The following NKIRAS1 variants were observed in gnomAD, a reference collection of about 807,000 sequenced individuals.
NKIRAS1 encodes NFKB inhibitor interacting Ras like 1.
Under a neutral mutation model 19.8 loss-of-function variants are expected in NKIRAS1, and 16 were observed. The ratio of observed to expected loss-of-function variants is 0.81; its 90% CI spans 0.55 to 1.23. NKIRAS1 has a LOEUF of 1.23. Among genes scored for constraint, NKIRAS1 ranks in the 50% most tolerant of loss-of-function variants. The pLI is 0.00. For missense variants in NKIRAS1, 184 were observed against 220.0 expected, an observed-to-expected ratio of 0.84 and a Z score of 1.04; for synonymous variants, 88 against 79.0, an observed-to-expected ratio of 1.11 and a Z score of -0.61.
chr3:23,946,255 T>C, intron 1 of NKIRAS1: 1 of 985,322 alleles, frequency 1.0e-6, no homozygotes. Flanking sequence ...TTTCGCGAGG[T>C]GACCCCAAGG....
intron 1 of NKIRAS1, among the ~76,000 whole-genome samples, chr3:23,935,428 T>C (rs1705376777): frequency 6.6e-6 from 1 of 152,138 alleles, no homozygotes; most frequent in Non-Finnish European, 1.5e-5. Context: ...TTTTTCTTTT[T>C]TTGTTGAGAT....
chr3:23,937,699 T>C (rs1380514540), intron 1 of NKIRAS1, among the ~76,000 whole-genome samples: 3 of 152,168 alleles, frequency 2.0e-5, no homozygotes, highest in African/African-American at 7.2e-5. Context: ...TCTTTCTTAC[T>C]TTTTAAAAAA....
At position 23,890,400 on chromosome 3, in the gene NKIRAS1, T is replaced by A; in HGVS notation, c.*2695A>T. 1.0e-6 allele frequency: 1 copy of A among 978,792 alleles called. No individual in the cohort carries two copies. Among genetic ancestry groups the A allele is most frequent in the African/African-American group, 1.7e-5 (1 of 60,346 alleles). 60.6% of individuals were successfully genotyped at this position (978,792 alleles called of 1,614,324 possible). A position where few individuals can be genotyped will look rare whatever the true frequency, so the allele number is the denominator to read the frequency against. On this transcript the variant is annotated 3_prime_UTR_variant, in exon 5 of 5. Coordinates refer to ENST00000425478, the MANE Select transcript of NKIRAS1 (RefSeq NM_020345.4). ...GGTGGAGTGGTGTTTCGAAGATGGG[T>A]TTGATCACACATACTTTGTCGTACG...
intron 1 of NKIRAS1, among the ~76,000 whole-genome samples, chr3:23,912,412 T>C (rs989581288): frequency 1.3e-5 from 2 of 152,182 alleles, no homozygotes; most frequent in Admixed American, 1.3e-4. Context: ...AAAGAAGACA[T>C]TTATGCAGCC....
chr3:23,905,585 A>G (rs1395698244), intron 3 of NKIRAS1, among the ~76,000 whole-genome samples: 1 of 152,208 alleles, frequency 6.6e-6, no homozygotes, highest in Admixed American at 6.5e-5. Context: ...ATAAAAACTA[A>G]TATGTAATCA....
chr3:23,920,570 TTGAG>T (rs1575123485), upstream of NKIRAS1: 3 of 985,254 alleles, frequency 3.0e-6, no homozygotes, highest in East Asian at 3.4e-4. Flanking sequence ...CAGGGTCAAT[TTGAG>T]TGTAAAGAAA....
In NKIRAS1 at chr3:23,910,855, T is replaced by C; in HGVS notation, c.50A>G (p.Lys17Arg). ...VVVCGLLSVG[K>R]TAILEQLLYG... is the part of the protein sequence containing the mutation. Reference sequence around the variant, plus strand: ...AAGGAGCTGCTCCAAAATTGCAGTTTTCCCCACAGATAACAATCCACAAAC... The same window carrying C: ...AAGGAGCTGCTCCAAAATTGCAGTTCTCCCCACAGATAACAATCCACAAAC... Residue 17 changes from lysine to arginine, a missense_variant, in exon 3 of 5, where the codon AAA (lysine) becomes AGA (arginine). Transcript: ENST00000425478. The C allele has an allele frequency of 1.9e-6, 3 of 1,614,168 alleles. No individual in the cohort carries two copies. The highest frequency in any genetic ancestry group is 2.5e-6 in the Non-Finnish European group (3 of 1,180,004).
chr3:23,945,944 AGGC>A (rs1302905218), intron 1 of NKIRAS1, among the ~76,000 whole-genome samples: 3 of 149,710 alleles, frequency 2.0e-5, no homozygotes, highest in Admixed American at 6.6e-5. Flanking sequence ...ATGGGCGCTG[AGGC>A]GGCGGCGGCG....
At chr3:23,937,207 A>C (rs11921201) in intron 1 of NKIRAS1, among the ~76,000 whole-genome samples, 1 of 151,504 alleles carries the variant, frequency 6.6e-6, no homozygotes, top group African/African-American at 2.4e-5. Context: ...GGCGAAACCC[A>C]GTCTCTACAA....
upstream of NKIRAS1, among the ~76,000 whole-genome samples, chr3:23,921,256 A>G (rs1705065096): frequency 6.6e-6 from 1 of 151,782 alleles, no homozygotes; most frequent in Non-Finnish European, 1.5e-5. Context: ...TTATCTCCAC[A>G]CAGTAGTCCA....
intron 1 of NKIRAS1, among the ~76,000 whole-genome samples, chr3:23,934,328 T>C (rs917932273): frequency 2.8e-4 from 43 of 152,246 alleles, no homozygotes; most frequent in African/African-American, 1.0e-3. Flanking sequence ...CAAAAATAAT[T>C]GTATCCTTAT....
At chr3:23,909,961 C>T (rs576417576) in intron 3 of NKIRAS1, among the ~76,000 whole-genome samples, 88 of 148,848 alleles carry the variant, frequency 5.9e-4, no homozygotes, top group Non-Finnish European at 1.1e-3. Flanking sequence ...CACATTCAAG[C>T]GATTCTCCTA....
In NKIRAS1 at chr3:23,915,249, G is replaced by T. The variant is rs1704220469; in HGVS notation, c.-140+1535C>A. Among the ~76,000 whole-genome samples the T allele has an allele frequency of 2.0e-5, 3 of 152,288 alleles. 1 individual carries two copies. In the South Asian group the frequency reaches 6.2e-4, roughly 32 times the overall value. ...TGGAAGATGCTCCTTTGCTGGCTGT[G>T]AAGATGAAGGAAGCAGTCAGGAGCC... On this transcript the variant is annotated intron_variant, in intron 1 of 4. Transcript: ENST00000425478.
chr3:23,912,808 T>C (rs1386167830), intron 1 of NKIRAS1, among the ~76,000 whole-genome samples: 2 of 152,230 alleles, frequency 1.3e-5, no homozygotes, highest in Middle Eastern at 3.4e-3. Context: ...CCATCAATGA[T>C]AGACTGGATT....
chr3:23,910,828 T>C lies in NKIRAS1; in HGVS notation c.77A>G (p.Tyr26Cys), dbSNP rs755912281. Residue 26 changes from tyrosine to cysteine, a missense_variant, in exon 3 of 5, where the codon TAT becomes TGT. Tyr to Cys is a radical substitution (Grantham distance 194). Coordinates refer to ENST00000425478, the MANE Select transcript of NKIRAS1 (RefSeq NM_020345.4). ...GKTAILEQLLYGNHTIGMEDC... is the reference protein window; with the variant it reads ...GKTAILEQLLCGNHTIGMEDC... ...AATCTTACCAATAGTATGATTTCCA[T>C]AAAGGAGCTGCTCCAAAATTGCAGT... 1.2e-6 allele frequency: 2 copies of C among 1,613,550 alleles called. No homozygotes were observed. Among genetic ancestry groups the C allele is most frequent in the African/African-American group, 1.3e-5 (1 of 75,032 alleles).
At chr3:23,918,322 T>C, upstream of NKIRAS1, 1 of 1,199,898 alleles carries the variant, frequency 8.3e-7, no homozygotes, top group Non-Finnish European at 1.2e-6. Flanking sequence ...TTTTTTTCTA[T>C]TAGATAGCAT....
chr3:23,943,775 G>C (rs1048829031), intron 1 of NKIRAS1, among the ~76,000 whole-genome samples: 1 of 152,224 alleles, frequency 6.6e-6, no homozygotes, highest in Non-Finnish European at 1.5e-5. Flanking sequence ...GGGAAGAATA[G>C]AGGGCTACCG....
rs986480609 is a variant in NKIRAS1, at chr3:23,926,869, A to G, written c.-139-15419T>C. On this transcript the variant is annotated intron_variant, in intron 1 of 4. Transcript: ENST00000421515. This position sits in a 1 kb window ranked among gnomAD's most constrained non-coding sequence, Gnocchi z 4.3. ...TTTTATAAATATTCATCATTCAGAGAAGAAACAATTCTTTGGATTTGTCCT... is the reference window on the plus strand; with the variant it reads ...TTTTATAAATATTCATCATTCAGAGGAGAAACAATTCTTTGGATTTGTCCT... Among the ~76,000 whole-genome samples the G allele has an allele frequency of 2.0e-5, 3 of 152,222 alleles. No homozygotes were observed. Among genetic ancestry groups the G allele is most frequent in the African/African-American group, 7.2e-5 (3 of 41,452 alleles).
chr3:23,919,155 C>T, upstream of NKIRAS1: 1 of 1,369,476 alleles, frequency 7.3e-7, no homozygotes, highest in African/African-American at 1.4e-5. Context: ...CTGCTATAGG[C>T]AATGTGGGAG....
Sources: allele counts gnomAD v4.1 joint callset (sites outside exome capture counted in the v4.1 genomes callset), GRCh38; gene constraint gnomAD v4.1.1; non-coding constraint Gnocchi (gnomAD v3.1); transcripts MANE v1.5; gene names NCBI Gene and HGNC (gene_info 2026-07-23, HGNC 2026-07-21).